Variants in CALN1 observed in about 807,000 individuals in gnomAD.
The protein encoded by CALN1 is calneuron 1, also known as calcium-binding protein 8.
CALN1 carries 17 observed loss-of-function variants against 30.6 expected under a neutral mutation model. That is an observed-to-expected ratio of 0.56 (90% confidence interval 0.38 to 0.83). The LOEUF is 0.83. CALN1 is among the 40% of genes least tolerant of loss of function. The pLI, the probability that CALN1 is intolerant of heterozygous loss-of-function variation, is 0.00. For missense variants in CALN1, 291 were observed against 354.9 expected, an observed-to-expected ratio of 0.82 and a Z score of 1.45; for synonymous variants, 156 against 131.4, an observed-to-expected ratio of 1.19 and a Z score of -1.28.
chr7:72,293,256 G>A (rs1299958417), intron 2 of CALN1, among the ~76,000 whole-genome samples: 1 of 152,172 alleles, frequency 6.6e-6, no homozygotes, highest in Admixed American at 6.5e-5. Context: ...AGTCTGGAAG[G>A]ACGTAGGGAG....
chr7:71,815,953 C>T (rs1788240866), intron 5 of CALN1, among the ~76,000 whole-genome samples: 1 of 151,230 alleles, frequency 6.6e-6, no homozygotes, highest in South Asian at 2.1e-4. Flanking sequence ...TCATAGCTTA[C>T]CGCAGCCTCA....
intron 4 of CALN1, among the ~76,000 whole-genome samples, chr7:72,050,070 C>T (rs565792032): frequency 1.3e-5 from 2 of 151,924 alleles, no homozygotes; most frequent in Non-Finnish European, 2.9e-5. Flanking sequence ...CCTCCTGCCT[C>T]GGCCTCCCAA....
At chr7:72,231,721 A>T (rs1420364662) in intron 3 of CALN1, among the ~76,000 whole-genome samples, 3 of 152,184 alleles carry the variant, frequency 2.0e-5, no homozygotes. Flanking sequence ...CTAGGTACAG[A>T]GCTCAGTGCT....
upstream of CALN1, chr7:72,412,380 C>T (rs1053873851): frequency 3.3e-5 from 5 of 152,138 alleles, no homozygotes; most frequent in African/African-American, 1.2e-4. Flanking sequence ...TCTTATTCAG[C>T]CCTGCCCATG....
intron 5 of CALN1, among the ~76,000 whole-genome samples, chr7:71,921,828 C>T (rs1794960997): frequency 6.6e-6 from 1 of 151,546 alleles, no homozygotes; most frequent in South Asian, 2.1e-4. Flanking sequence ...CTGCACCATC[C>T]CCCCCGCCGC....
intron 5 of CALN1, among the ~76,000 whole-genome samples, chr7:71,992,597 A>C (rs1225661068): frequency 2.0e-5 from 3 of 152,134 alleles, no homozygotes; most frequent in Non-Finnish European, 4.4e-5. Flanking sequence ...GCTTCAAGCA[A>C]TCCTCCAGCC....
chr7:72,110,536 C>G (rs1178187340), intron 3 of CALN1, among the ~76,000 whole-genome samples: 1 of 152,180 alleles, frequency 6.6e-6, no homozygotes, highest in African/African-American at 2.4e-5. Flanking sequence ...TAGGACAAAG[C>G]TGTCCTTCTT....
chr7:72,245,668 G>T (rs902959186), intron 3 of CALN1, among the ~76,000 whole-genome samples: 2 of 147,432 alleles, frequency 1.4e-5, no homozygotes, highest in Non-Finnish European at 3.0e-5. Flanking sequence ...ATAAAGTTGA[G>T]TAAAACAAGA....
At chr7:71,958,065 C>CAAAAA (rs56355838) in intron 5 of CALN1, among the ~76,000 whole-genome samples, 13 of 93,848 alleles carry the variant, frequency 1.4e-4, no homozygotes, top group East Asian at 2.9e-4. Flanking sequence ...AACTCCATCT[C>CAAAAA]AAAAAAAAAA....
chr7:71,788,028 G>A (rs1455852377), intron 6 of CALN1, 126 bp from the exon 7 acceptor site: 1 of 1,272,296 alleles, frequency 7.9e-7, no homozygotes. Context: ...CCTATAGGAT[G>A]AGACTGGTCA....
chr7:71,832,121 C>A (rs927108504), intron 5 of CALN1, among the ~76,000 whole-genome samples: 1 of 152,024 alleles, frequency 6.6e-6, no homozygotes, highest in Non-Finnish European at 1.5e-5. Flanking sequence ...TTAAGTTCCT[C>A]GTGGCTAAAA....
the CALN1 span, among the ~76,000 whole-genome samples, chr7:72,499,648 A>T: frequency 6.6e-6 from 1 of 152,118 alleles, no homozygotes; most frequent in East Asian, 1.9e-4. Context: ...CTATTACAAA[A>T]AGGAATGAGT....
At chr7:72,226,669 C>T (rs1768119680) in intron 3 of CALN1, among the ~76,000 whole-genome samples, 1 of 152,192 alleles carries the variant, frequency 6.6e-6, no homozygotes, top group Admixed American at 6.6e-5. Context: ...TTATCCTAGG[C>T]AAACTGATGC....
At chr7:72,273,330 G>C (rs1168212397) in intron 3 of CALN1, among the ~76,000 whole-genome samples, 1 of 148,712 alleles carries the variant, frequency 6.7e-6, no homozygotes, top group African/African-American at 2.5e-5. Context: ...GCTGAGGCAG[G>C]AGAATCACTT....
intron 4 of CALN1, among the ~76,000 whole-genome samples, chr7:72,097,616 G>T (rs1471672936): frequency 2.1e-5 from 3 of 145,326 alleles, no homozygotes. Flanking sequence ...AAGACAGCCT[G>T]AGCAACAAAG....
At chr7:72,288,960 ATTTC>A (rs1292777231) in intron 2 of CALN1, among the ~76,000 whole-genome samples, 1 of 152,086 alleles carries the variant, frequency 6.6e-6, no homozygotes, top group Non-Finnish European at 1.5e-5. Context: ...TCCAGATTCA[ATTTC>A]TTTTTCAATG....
At chr7:72,195,715 G>C (rs1044352612) in intron 3 of CALN1, among the ~76,000 whole-genome samples, 1 of 152,058 alleles carries the variant, frequency 6.6e-6, no homozygotes, top group Non-Finnish European at 1.5e-5. Context: ...CATTCTTGGT[G>C]GCTAACACAG....
chr7:71,860,949 A>ACCAT (rs1256812149), intron 5 of CALN1, among the ~76,000 whole-genome samples: 4 of 152,194 alleles, frequency 2.6e-5, no homozygotes, highest in African/African-American at 9.6e-5. Flanking sequence ...CAGGAGACCA[A>ACCAT]CGATGACAAA....
At chr7:72,135,332 T>C (rs1347828579) in intron 3 of CALN1, among the ~76,000 whole-genome samples, 1 of 152,232 alleles carries the variant, frequency 6.6e-6, no homozygotes, top group Non-Finnish European at 1.5e-5. Context: ...GAGGAATCAC[T>C]ACGTATGGCA....
Sources: gnomAD v4.1 joint callset for allele counts (sites outside exome capture counted in the v4.1 genomes callset) on GRCh38, gnomAD v4.1.1 for gene constraint, MANE v1.5 for transcripts, NCBI Gene and HGNC (gene_info 2026-07-23, HGNC 2026-07-21) for gene names.